Variants in CNTNAP4 observed in about 807,000 individuals in gnomAD.
The protein encoded by CNTNAP4 is contactin associated protein family member 4.
A neutral mutation model predicts 148.4 loss-of-function variants in CNTNAP4; 98 were observed. The observed-to-expected ratio is 0.66, with a 90% CI of 0.56 to 0.78. The LOEUF is 0.78. Among genes scored for constraint, CNTNAP4 ranks in the 30% least tolerant of loss-of-function variants. CNTNAP4 has a pLI of 0.00. For missense variants in CNTNAP4, 1,935 were observed against 1,565.6 expected (o/e 1.24, Z -3.98); for synonymous variants, 730 against 565.1 (o/e 1.29, Z -4.14).
chr16:76,429,472 C>T (rs567966546), intron 4 of CNTNAP4, among the ~76,000 whole-genome samples: 61 of 152,168 alleles, frequency 4.0e-4, no homozygotes, highest in African/African-American at 1.4e-3. Flanking sequence ...TCAAAACCAC[C>T]CATTTATTAG....
rs143458498 is a variant in CNTNAP4 at position 76,531,049 on chromosome 16, C to G, written c.2756-4496C>G. The stretch of plus-strand genomic sequence containing the variant: ...TCTTTGCCATAGTGTCAAAGTCAGG[C>G]AGTGTCCTTGTACTGTGCCAGGCAA... On this transcript the variant is annotated intron_variant, in intron 17 of 23. Coordinates refer to ENST00000611870, the MANE Select transcript of CNTNAP4 (RefSeq NM_033401.5). 4.7e-3 allele frequency among the ~76,000 whole-genome samples: 711 copies of G among 152,248 alleles called. 4 individuals are homozygous for G. The highest frequency in any genetic ancestry group is 0.017 in the African/African-American group (691 of 41,542).
intron 3 of CNTNAP4, among the ~76,000 whole-genome samples, chr16:76,405,678 G>A (rs867989900): frequency 6.6e-6 from 1 of 152,112 alleles, no homozygotes; most frequent in Non-Finnish European, 1.5e-5. Context: ...GGAGGGAGAG[G>A]AGGGGTTGGT....
chr16:76,447,409 C>T (rs1479542004), intron 4 of CNTNAP4, among the ~76,000 whole-genome samples: 1 of 150,384 alleles, frequency 6.6e-6, no homozygotes, highest in Admixed American at 6.6e-5. Flanking sequence ...ATTTCTAGAT[C>T]ATGAATTTTG....
chr16:76,303,510 A>C (rs911000757), intron 1 of CNTNAP4, among the ~76,000 whole-genome samples: 2 of 152,174 alleles, frequency 1.3e-5, no homozygotes, highest in Non-Finnish European at 2.9e-5. Context: ...AAATATCAGT[A>C]ATGGAAGTAG....
At position 76,385,143 on chromosome 16, in the gene CNTNAP4, C is replaced by T. The variant is rs370080191; in HGVS notation, c.390+29632C>T. ...AAGATCCTTTTTTTAAACAATATAA[C>T]GCATTTTGTTGATTTGCCTTGATGC... On this transcript the variant is annotated intron_variant, in intron 3 of 23. Coordinates refer to ENST00000611870, the MANE Select transcript of CNTNAP4 (RefSeq NM_033401.5). Among the ~76,000 whole-genome samples the T allele has an allele frequency of 9.2e-5, 14 of 152,114 alleles. No homozygotes were observed. The South Asian group carries it at 1.9e-3, about 20-fold the overall frequency.
chr16:76,317,584 C>G (rs557387038), intron 2 of CNTNAP4, among the ~76,000 whole-genome samples: 1 of 152,082 alleles, frequency 6.6e-6, no homozygotes, highest in Non-Finnish European at 1.5e-5. Flanking sequence ...TTTGGTTCTC[C>G]CATTTATTAT....
chr16:76,409,488 C>G (rs367648578), intron 3 of CNTNAP4, among the ~76,000 whole-genome samples: 19 of 151,946 alleles, frequency 1.3e-4, no homozygotes, highest in African/African-American at 2.9e-4. Flanking sequence ...GAAATAGAAA[C>G]AATATGGATA....
chr16:76,345,376 AAAAAC>A (rs1408162536), intron 2 of CNTNAP4, among the ~76,000 whole-genome samples: 1 of 152,250 alleles, frequency 6.6e-6, no homozygotes, highest in Non-Finnish European at 1.5e-5. Context: ...TTGTTTTAAT[AAAAAC>A]AAAACAGTGA....
intron 15 of CNTNAP4, among the ~76,000 whole-genome samples, chr16:76,512,230 G>GA (rs1217796444): frequency 6.6e-6 from 1 of 152,106 alleles, no homozygotes; most frequent in African/African-American, 2.4e-5. Flanking sequence ...CAATCTGAAT[G>GA]AAATTGGAGA....
chr16:76,408,772 C>T (rs1438941819), intron 3 of CNTNAP4, among the ~76,000 whole-genome samples: 1 of 151,852 alleles, frequency 6.6e-6, no homozygotes, highest in East Asian at 1.9e-4. Context: ...AACAACTTTC[C>T]AAAGACCTCA....
chr16:76,479,388 A>C, intron 11 of CNTNAP4, 31 bp from the exon 12 acceptor site: 2 of 1,546,968 alleles, frequency 1.3e-6, no homozygotes, highest in Non-Finnish European at 1.7e-6. Flanking sequence ...ATTTCATGCT[A>C]TTCCATTAAT....
Position 76,389,619 on chromosome 16 carries a change from A to G in CNTNAP4, c.390+34108A>G, listed in dbSNP as rs575005465. On this transcript the variant is annotated intron_variant, in intron 3 of 23. Transcript: ENST00000611870. Reference sequence around the variant, plus strand: ...CAGGAATGTGCCACCAAGCCCAACTATTTTTTTTTCTTTTTTCTTTTTAGT... The same window carrying G: ...CAGGAATGTGCCACCAAGCCCAACTGTTTTTTTTTCTTTTTTCTTTTTAGT... 3.3e-5 allele frequency among the ~76,000 whole-genome samples: 5 copies of G among 149,984 alleles called. No homozygotes were observed. The South Asian group carries it at 6.4e-4, about 19-fold the overall frequency.
At chr16:76,427,340 G>T in intron 3 of CNTNAP4, 112 bp from the exon 4 acceptor site, 1 of 792,642 alleles carries the variant, frequency 1.3e-6, no homozygotes. Context: ...ATAGAAGGTA[G>T]CACCATTCAT....
chr16:76,358,892 ATGTATGTATG>A (rs1384366995), intron 3 of CNTNAP4, among the ~76,000 whole-genome samples: 1 of 151,964 alleles, frequency 6.6e-6, no homozygotes, highest in Non-Finnish European at 1.5e-5. Flanking sequence ...GTGTATATAT[ATGTATGTATG>A]TGTATGTATT....
At chr16:76,412,191 A>G (rs1045975321) in intron 3 of CNTNAP4, among the ~76,000 whole-genome samples, 1 of 151,456 alleles carries the variant, frequency 6.6e-6, no homozygotes, top group African/African-American at 2.4e-5. Context: ...AAAAGTATAA[A>G]CAATACAATT....
At chr16:76,288,852 G>C (rs1439530188) in intron 1 of CNTNAP4, among the ~76,000 whole-genome samples, 3 of 152,064 alleles carry the variant, frequency 2.0e-5, no homozygotes, top group Non-Finnish European at 4.4e-5. Flanking sequence ...TTGGAAAATT[G>C]TGTTATTTTG....
intron 5 of CNTNAP4, 112 bp downstream of exon 5, chr16:76,448,327 C>G: frequency 1.4e-6 from 1 of 723,776 alleles, no homozygotes; most frequent in Non-Finnish European, 2.3e-6. Flanking sequence ...TTTTCAGATT[C>G]AAGGGCTTGT....
intron 3 of CNTNAP4, among the ~76,000 whole-genome samples, chr16:76,408,498 A>G (rs537952712): frequency 1.3e-5 from 2 of 152,108 alleles, no homozygotes; most frequent in South Asian, 4.1e-4. Context: ...GGTCCCAAGC[A>G]TCAACCCCAT....
At chr16:76,498,347 G>A (rs1016222911) in intron 14 of CNTNAP4, among the ~76,000 whole-genome samples, 11 of 151,824 alleles carry the variant, frequency 7.2e-5, no homozygotes, top group African/African-American at 2.7e-4. Context: ...AGCCAAAACT[G>A]TGCTACTGCA....
Sources: gnomAD v4.1 joint callset for allele counts (sites outside exome capture counted in the v4.1 genomes callset) on GRCh38, gnomAD v4.1.1 for gene constraint, MANE v1.5 for transcripts, NCBI Gene and HGNC (gene_info 2026-07-23, HGNC 2026-07-21) for gene names.